Variants in ZNF600 observed in about 807,000 individuals in gnomAD.
ZNF600 encodes the protein zinc finger protein KR-ZNF1.
Under a neutral mutation model 7.3 loss-of-function variants are expected in ZNF600, and 4 were observed. The ratio of observed to expected loss-of-function variants is 0.55; its 90% CI spans 0.27 to 1.25. The LOEUF (loss-of-function observed/expected upper bound fraction) is 1.25, where lower values mean the gene tolerates loss of function less well. Ranked by LOEUF, ZNF600 falls within the 50% of genes most tolerant of loss-of-function variation. The pLI is 0.12. For missense variants in ZNF600, 911 were observed against 922.1 expected, an observed-to-expected ratio of 0.99 and a Z score of 0.16; for synonymous variants, 290 against 308.9, an observed-to-expected ratio of 0.94 and a Z score of 0.64.
exon 4 of ZNF600, chr19:52,764,831 T>A (rs904560749): frequency 4.3e-5 from 7 of 161,962 alleles, no homozygotes; most frequent in African/African-American, 1.7e-4. Context: ...CTCCCTTTTA[T>A]AAAGTACTAT....
chr19:52,822,967 G>C, the ZNF600 span, among the ~76,000 whole-genome samples: 1 of 152,114 alleles, frequency 6.6e-6, no homozygotes, highest in Non-Finnish European at 1.5e-5. Flanking sequence ...AAGTAGAGAC[G>C]TTAAGGTTTC....
chr19:52,801,062 A>G, the ZNF600 span: 1 of 1,614,172 alleles, frequency 6.2e-7, no homozygotes, highest in Non-Finnish European at 8.5e-7. Context: ...GAGATCTACG[A>G]TGGCATGCAA....
At chr19:52,831,439 A>G in the ZNF600 span, among the ~76,000 whole-genome samples, 1 of 151,934 alleles carries the variant, frequency 6.6e-6, no homozygotes, top group Admixed American at 6.6e-5. Flanking sequence ...CCTCCCGAGT[A>G]GCTGGGATAA....
At chr19:52,812,718 C>T in the ZNF600 span, among the ~76,000 whole-genome samples, 1 of 128,660 alleles carries the variant, frequency 7.8e-6, no homozygotes, top group Non-Finnish European at 1.6e-5. Flanking sequence ...TGTCCTATGA[C>T]CCTGCCAAAT....
At chr19:52,817,823 G>A in the ZNF600 span, 3 of 1,558,108 alleles carry the variant, frequency 1.9e-6, no homozygotes, top group Non-Finnish European at 2.6e-6. Flanking sequence ...AGGAAGGCAT[G>A]GGTGAGGGTG....
the ZNF600 span, among the ~76,000 whole-genome samples, chr19:52,824,661 G>T: frequency 6.6e-6 from 1 of 151,980 alleles, no homozygotes; most frequent in African/African-American, 2.4e-5. Flanking sequence ...TAACTTTAAA[G>T]ACGAAAATAA....
At chr19:52,815,591 G>A in the ZNF600 span, among the ~76,000 whole-genome samples, 1 of 146,664 alleles carries the variant, frequency 6.8e-6, no homozygotes, top group Non-Finnish European at 1.5e-5. Context: ...TTGGGAGGCC[G>A]AGGCGGGCGA....
the ZNF600 span, chr19:52,821,444 C>G: frequency 1.3e-5 from 2 of 152,240 alleles, no homozygotes; most frequent in African/African-American, 4.8e-5. Flanking sequence ...GGCTTCCGGA[C>G]TCCCAGTAGA....
chr19:52,819,076 A>G, the ZNF600 span, among the ~76,000 whole-genome samples: 72,554 of 131,842 alleles, frequency 0.55, 23,166 homozygotes, highest in Non-Finnish European at 0.67. Flanking sequence ...TTGAATAAGA[A>G]CAGGGACAAC....
intron 2 of ZNF600, among the ~76,000 whole-genome samples, chr19:52,777,853 G>C (rs1600391328): frequency 6.6e-6 from 1 of 152,042 alleles, no homozygotes; most frequent in Admixed American, 6.6e-5. Context: ...AATAGATAGA[G>C]AGATACATAT....
intron 1 of ZNF600, among the ~76,000 whole-genome samples, chr19:52,783,667 C>T (rs1259684634): frequency 6.6e-6 from 1 of 151,948 alleles, no homozygotes; most frequent in Non-Finnish European, 1.5e-5. Flanking sequence ...GGCCTCCCTT[C>T]GGCATTCTAT....
chr19:52,766,719 G>C lies in ZNF600; in HGVS notation c.1244C>G (p.Ala415Gly), dbSNP rs766715786. 8 of 1,613,656 alleles carry C rather than the reference G, an allele frequency of 5.0e-6. No individual in the cohort carries two copies. In the Admixed American group the frequency reaches 1.2e-4, roughly 24 times the overall value. The change falls in exon 4 of 4, where the codon GCA (alanine) becomes GGA (glycine). Residue 415 changes from alanine to glycine, a missense_variant. By Grantham distance (60) the Ala-to-Gly change is moderately conservative. Transcript: ENST00000648973. The stretch of plus-strand genomic sequence containing the variant: ...TCCAGTGTGAATTCTTTTATGTCTT[G>C]CCAGCTGAGAATTCCATGTGAAAGC...
intron 2 of ZNF600, among the ~76,000 whole-genome samples, chr19:52,777,108 T>C (rs1471527894): frequency 2.6e-5 from 4 of 152,102 alleles, no homozygotes; most frequent in South Asian, 2.1e-4. Context: ...TGGCTAAGCG[T>C]GGTGGCTCAG....
At chr19:52,810,578 G>A in the ZNF600 span, 4 of 1,589,578 alleles carry the variant, frequency 2.5e-6, no homozygotes, top group Admixed American at 5.0e-5. Context: ...TCTTCCACGA[G>A]CCCGCTACCG....
chr19:52,799,804 G>T, the ZNF600 span: 1 of 1,614,094 alleles, frequency 6.2e-7, no homozygotes, highest in Non-Finnish European at 8.5e-7. Context: ...ACTCTCTGAT[G>T]CTGTGCAAGG....
chr19:52,770,811 A>C (rs931876714), intron 3 of ZNF600, among the ~76,000 whole-genome samples: 4 of 152,074 alleles, frequency 2.6e-5, no homozygotes, highest in African/African-American at 9.7e-5. Context: ...GAATAGGACT[A>C]GGGCTTTTAA....
chr19:52,802,761 CTTT>C, the ZNF600 span, among the ~76,000 whole-genome samples: 945 of 127,554 alleles, frequency 7.4e-3, 13 homozygotes, highest in African/African-American at 0.025. Flanking sequence ...CACGTTGTGA[CTTT>C]TTTTTTTTTT....
chr19:52,825,772 A>G, the ZNF600 span, among the ~76,000 whole-genome samples: 110,125 of 151,872 alleles, frequency 0.73, 40,552 homozygotes, highest in African/African-American at 0.8. Context: ...GATCACTAGA[A>G]GCCAGGAGTG....
intron 1 of ZNF600, among the ~76,000 whole-genome samples, chr19:52,783,851 TGCGATCTCA>T (rs2062743403): frequency 6.6e-6 from 1 of 151,824 alleles, no homozygotes; most frequent in Non-Finnish European, 1.5e-5. Context: ...AGTCCAATGG[TGCGATCTCA>T]GCTCACCACA....
Sources: allele counts gnomAD v4.1 joint callset (sites outside exome capture counted in the v4.1 genomes callset), GRCh38; gene constraint gnomAD v4.1.1; transcripts MANE v1.5; gene names NCBI Gene and HGNC (gene_info 2026-07-23, HGNC 2026-07-21).